The following GLRA1 variants were observed in gnomAD, a reference collection of about 807,000 sequenced individuals.
GLRA1 encodes the protein glycine receptor subunit alpha-1.
GLRA1 carries 37 observed loss-of-function variants against 48.3 expected under a neutral mutation model. The ratio of observed to expected loss-of-function variants is 0.77; its 90% confidence interval spans 0.59 to 1.01. The LOEUF (loss-of-function observed/expected upper bound fraction) is 1.01. Among genes scored for constraint, GLRA1 ranks in the 50% least tolerant of loss-of-function variants. The pLI is 0.00. For missense variants in GLRA1, 427 were observed against 571.0 expected (o/e 0.75, Z 2.57); for synonymous variants, 196 against 210.7 (o/e 0.93, Z 0.60).
chr5:151,863,939 C>T (rs1353730481), intron 3 of GLRA1, among the ~76,000 whole-genome samples: 1 of 152,186 alleles, frequency 6.6e-6, no homozygotes, highest in African/African-American at 2.4e-5. Flanking sequence ...CTCCCTCCAG[C>T]CCCATAGAAA....
At chr5:151,912,430 ATCTGCAATGGCTCAGATGT>A (rs1754640210) in intron 1 of GLRA1, among the ~76,000 whole-genome samples, 1 of 152,166 alleles carries the variant, frequency 6.6e-6, no homozygotes, top group East Asian at 1.9e-4. Context: ...GAGCAACCTT[ATCTGCAATGGCTCAGATGT>A]TTTGAGAGGC....
chr5:151,898,367 C>G (rs1754275164), intron 1 of GLRA1, among the ~76,000 whole-genome samples: 1 of 152,074 alleles, frequency 6.6e-6, no homozygotes, highest in African/African-American at 2.4e-5. Flanking sequence ...GGGAGAAAGG[C>G]CAGATCAATG....
At chr5:151,848,932 G>T in intron 7 of GLRA1, 1 of 710,262 alleles carries the variant, frequency 1.4e-6, no homozygotes, top group South Asian at 1.4e-5. Context: ...TTAAGCAGGT[G>T]TACATGTCCC....
intron 1 of GLRA1, among the ~76,000 whole-genome samples, chr5:151,909,025 T>C (rs984137341): frequency 1.3e-5 from 2 of 152,228 alleles, no homozygotes; most frequent in Admixed American, 1.3e-4. Flanking sequence ...CATAGTATTT[T>C]CCTCACAGGG....
intron 3 of GLRA1, among the ~76,000 whole-genome samples, chr5:151,880,488 C>T (rs1209570073): frequency 6.6e-6 from 1 of 152,248 alleles, no homozygotes. Flanking sequence ...GGCCACAGTG[C>T]ACCTGTCTTG....
At position 151,892,396 on chromosome 5, in the gene GLRA1, G is replaced by T. The variant is rs757287724; in HGVS notation, c.99C>A (p.Pro33=). ...SKEAEAARSA[P]KPMSPSDFLD... is the part of the protein sequence containing the mutation. Reference sequence around the variant, plus strand: ...GGAAATCCGAGGGTGACATAGGCTTGGGTGCGGAGCGAGCAGCTTCAGCCT... The same window carrying T: ...GGAAATCCGAGGGTGACATAGGCTTTGGTGCGGAGCGAGCAGCTTCAGCCT... The change falls in exon 2 of 9, where the codon CCC becomes CCA. Residue 33 remains proline (P), a synonymous_variant. Transcript: ENST00000274576. 1.2e-5 allele frequency: 20 copies of T among 1,614,018 alleles called. No individual in the cohort carries two copies. The highest frequency in any genetic ancestry group is 1.6e-5 in the Non-Finnish European group (19 of 1,179,898).
chr5:151,882,143 T>G (rs1753778898), intron 3 of GLRA1, among the ~76,000 whole-genome samples: 1 of 152,196 alleles, frequency 6.6e-6, no homozygotes, highest in African/African-American at 2.4e-5. Context: ...GCTCTAATTC[T>G]CTGTGATGAA....
At chr5:151,911,213 G>A (rs1754600877) in intron 1 of GLRA1, among the ~76,000 whole-genome samples, 1 of 152,052 alleles carries the variant, frequency 6.6e-6, no homozygotes, top group Non-Finnish European at 1.5e-5. Context: ...TGCCTACCTG[G>A]TAAATTAGTC....
chr5:151,831,740 G>A (rs1273428069), intron 7 of GLRA1, among the ~76,000 whole-genome samples: 1 of 152,194 alleles, frequency 6.6e-6, no homozygotes, highest in Non-Finnish European at 1.5e-5. Context: ...AGACTTAAAC[G>A]TTCCTGCCTG....
intron 7 of GLRA1, among the ~76,000 whole-genome samples, chr5:151,841,230 A>G (rs1417935188): frequency 6.6e-6 from 1 of 152,138 alleles, no homozygotes; most frequent in Non-Finnish European, 1.5e-5. Context: ...AAAGTTGGAA[A>G]ACTCACAACA....
chr5:151,832,471 GA>G (rs148137340), intron 7 of GLRA1, among the ~76,000 whole-genome samples: 5,900 of 152,234 alleles, frequency 0.039, 379 homozygotes, highest in African/African-American at 0.13. Context: ...TGATGGAGCT[GA>G]AAAACACAGC....
At chr5:151,841,999 G>A (rs1419745990) in intron 7 of GLRA1, among the ~76,000 whole-genome samples, 1 of 151,048 alleles carries the variant, frequency 6.6e-6, no homozygotes, top group Non-Finnish European at 1.5e-5. Flanking sequence ...GGAGGTTGCC[G>A]TGAGCCGAGA....
chr5:151,826,834 A>G (rs533075062), intron 8 of GLRA1, among the ~76,000 whole-genome samples: 1 of 152,306 alleles, frequency 6.6e-6, no homozygotes, highest in East Asian at 1.9e-4. Flanking sequence ...TACAAACAGC[A>G]TCTACTGGAG....
At position 151,876,469 on chromosome 5, in the gene GLRA1, T is replaced by TCAGAGAATTATTATTAATAATTTA. The variant is rs1333264007; in HGVS notation, c.252+10228_252+10251dup. Among the ~76,000 whole-genome samples, 10 of 152,284 alleles carry TCAGAGAATTATTATTAATAATTTA rather than the reference T, an allele frequency of 6.6e-5. No homozygotes were observed. In the East Asian group the frequency reaches 1.5e-3, roughly 23 times the overall value. On this transcript the variant is annotated intron_variant, in intron 3 of 8. Transcript: ENST00000274576. ...ACAACAGTGCCTGACACGTACATAT[T>TCAGAGAATTATTATTAATAATTTA]CAGAGAATTATTATTAATAATTTAC...
Position 151,911,172 on chromosome 5 carries a change from C to G in GLRA1, c.56+13322G>C, listed in dbSNP as rs1754599788. ...GCTTGACTGTTCTGCAAGCCTTTTT[C>G]CTTTGTTTGCCTCACTCTCCTGATA... On this transcript the variant is annotated intron_variant, in intron 1 of 8. Coordinates refer to ENST00000274576, the MANE Select transcript of GLRA1 (RefSeq NM_000171.4). 2.6e-5 allele frequency among the ~76,000 whole-genome samples: 4 copies of G among 152,126 alleles called. No individual in the cohort carries two copies. The South Asian group carries it at 8.3e-4, about 32-fold the overall frequency.
intron 3 of GLRA1, among the ~76,000 whole-genome samples, chr5:151,876,770 A>G (rs1561567651): frequency 6.6e-6 from 1 of 152,178 alleles, no homozygotes; most frequent in Admixed American, 6.5e-5. Flanking sequence ...TATGGACTGA[A>G]TGTGTCCCTC....
At chr5:151,865,808 A>T (rs1337881678) in intron 3 of GLRA1, among the ~76,000 whole-genome samples, 2 of 152,220 alleles carry the variant, frequency 1.3e-5, no homozygotes, top group Non-Finnish European at 2.9e-5. Flanking sequence ...GTCCTCAGGC[A>T]GCTTGACTCC....
intron 7 of GLRA1, among the ~76,000 whole-genome samples, chr5:151,832,120 AT>A (rs1763442139): frequency 1.3e-5 from 2 of 152,240 alleles, no homozygotes; most frequent in Admixed American, 1.3e-4. Context: ...CAAAAAGGAC[AT>A]CCACACAGAA....
intron 2 of GLRA1, among the ~76,000 whole-genome samples, chr5:151,889,729 A>G (rs1172464633): frequency 6.6e-6 from 1 of 151,718 alleles, no homozygotes; most frequent in East Asian, 1.9e-4. Context: ...CAGGAGCTCT[A>G]TGGTTTGTAT....
Sources: gnomAD v4.1 joint callset for allele counts (sites outside exome capture counted in the v4.1 genomes callset) on GRCh38, gnomAD v4.1.1 for gene constraint, MANE v1.5 for transcripts, NCBI Gene and HGNC (gene_info 2026-07-23, HGNC 2026-07-21) for gene names.